Variants in CSMD1 observed in about 807,000 individuals in gnomAD.
The protein encoded by CSMD1 is CUB and sushi domain-containing protein 1.
Under a neutral mutation model 417.5 loss-of-function variants are expected in CSMD1, and 213 were observed. That is an observed-to-expected ratio of 0.51 (90% CI 0.46 to 0.57). The LOEUF (loss-of-function observed/expected upper bound fraction) is 0.57, where lower values mean the gene tolerates loss of function less well. Ranked by LOEUF, CSMD1 falls within the 20% of genes least tolerant of loss-of-function variation. The pLI is 0.00. For synonymous variants in CSMD1, 2,862 were observed against 1,736.8 expected (o/e 1.65, Z -16.11); for missense variants, 6,923 against 4,529.7 (o/e 1.53, Z -15.17).
chr8:4,429,792 C>G (rs539577867), intron 2 of CSMD1, among the ~76,000 whole-genome samples: 1 of 152,086 alleles, frequency 6.6e-6, no homozygotes, highest in Admixed American at 6.6e-5. Context: ...TGAAATATAC[C>G]GGCAATCCCC....
intron 1 of CSMD1, among the ~76,000 whole-genome samples, chr8:4,831,987 C>A (rs1300941840): frequency 6.6e-6 from 1 of 152,182 alleles, no homozygotes; most frequent in East Asian, 1.9e-4. Flanking sequence ...TCCAAATTCC[C>A]ACTGCACACA....
chr8:3,568,739 A>G (rs915221021), intron 10 of CSMD1, among the ~76,000 whole-genome samples: 1 of 152,082 alleles, frequency 6.6e-6, no homozygotes, highest in Non-Finnish European at 1.5e-5. Context: ...ATATACACAT[A>G]TATATATGTA....
chr8:4,185,591 G>C (rs527722303), intron 3 of CSMD1, among the ~76,000 whole-genome samples: 27 of 152,188 alleles, frequency 1.8e-4, no homozygotes, highest in Admixed American at 3.9e-4. Flanking sequence ...TACCTATCTA[G>C]TAAATGTGCT....
At chr8:4,239,483 G>C (rs752725899) in intron 3 of CSMD1, among the ~76,000 whole-genome samples, 5 of 152,174 alleles carry the variant, frequency 3.3e-5, no homozygotes, top group Non-Finnish European at 5.9e-5. Flanking sequence ...AGCACCCTCA[G>C]ATCAGCTGCC....
chr8:4,966,871 C>T (rs1809897716), intron 1 of CSMD1, among the ~76,000 whole-genome samples: 1 of 152,116 alleles, frequency 6.6e-6, no homozygotes, highest in Non-Finnish European at 1.5e-5. Flanking sequence ...ATCATCTTTC[C>T]CTTATTCACA....
intron 45 of CSMD1, 47 bp from the exon 46 acceptor site, chr8:3,106,688 G>C (rs548703482): frequency 1.4e-5 from 16 of 1,182,232 alleles, no homozygotes; most frequent in Admixed American, 5.6e-5. Context: ...GTGACCTTCT[G>C]AGTGTGTGAA....
At chr8:3,524,601 CCA>C (rs765413681) in intron 10 of CSMD1, among the ~76,000 whole-genome samples, 3 of 146,028 alleles carry the variant, frequency 2.1e-5, no homozygotes, top group Non-Finnish European at 4.5e-5. Context: ...GGACACACAT[CCA>C]CACACATGCA....
chr8:4,107,419 T>G (rs1206541922), intron 3 of CSMD1, among the ~76,000 whole-genome samples: 2 of 152,206 alleles, frequency 1.3e-5, no homozygotes, highest in East Asian at 1.9e-4. Context: ...GAAAATGTCT[T>G]GATACACATC....
intron 2 of CSMD1, among the ~76,000 whole-genome samples, chr8:4,468,053 C>A (rs1024177585): frequency 2.7e-5 from 4 of 148,614 alleles, no homozygotes; most frequent in Non-Finnish European, 5.9e-5. Flanking sequence ...GGCCCTGCCT[C>A]CTGTCCGTCC....
chr8:4,083,570 G>A (rs923369621), intron 3 of CSMD1, among the ~76,000 whole-genome samples: 1 of 152,090 alleles, frequency 6.6e-6, no homozygotes, highest in Non-Finnish European at 1.5e-5. Flanking sequence ...TGACAAACCT[G>A]ACAAAAAGAA....
At chr8:3,547,778 T>C (rs755546446) in intron 10 of CSMD1, among the ~76,000 whole-genome samples, 1 of 152,198 alleles carries the variant, frequency 6.6e-6, no homozygotes, top group Non-Finnish European at 1.5e-5. Flanking sequence ...GTTTTTCTTG[T>C]TGCTCTTTAA....
chr8:3,575,170 T>A (rs1433232194), intron 9 of CSMD1, 104 bp from the exon 10 acceptor site: 30 of 806,976 alleles, frequency 3.7e-5, no homozygotes, highest in South Asian at 2.1e-4. Context: ...CTAATCACAG[T>A]AAAAAAAAAA....
At chr8:4,914,255 G>A (rs757235892) in intron 1 of CSMD1, among the ~76,000 whole-genome samples, 1 of 152,136 alleles carries the variant, frequency 6.6e-6, no homozygotes, top group East Asian at 1.9e-4. Context: ...TGAGTGTGCA[G>A]AGGAAATAGA....
At position 3,412,862 on chromosome 8, in the gene CSMD1, G is replaced by C. The variant is rs187455255; in HGVS notation, c.1562-3257C>G. On this transcript the variant is annotated intron_variant, in intron 12 of 69. Transcript: ENST00000635120. ...CGTCTGTCACTGAAACCGACAGTGAGTTCAAAACGCTGCATGGTTTATAAT... is the reference window on the plus strand; with the variant it reads ...CGTCTGTCACTGAAACCGACAGTGACTTCAAAACGCTGCATGGTTTATAAT... 1.3e-3 allele frequency among the ~76,000 whole-genome samples: 200 copies of C among 152,316 alleles called. 1 individual carries two copies. Among genetic ancestry groups the C allele is most frequent in the Admixed American group, 0.011 (175 of 15,298 alleles).
chr8:3,739,391 G>T (rs904728053), intron 6 of CSMD1, among the ~76,000 whole-genome samples: 6 of 152,170 alleles, frequency 3.9e-5, no homozygotes, highest in African/African-American at 1.2e-4. Flanking sequence ...CAAATAGTTA[G>T]AAGACAGGAT....
chr8:4,099,157 A>T (rs553272875), intron 3 of CSMD1, among the ~76,000 whole-genome samples: 6 of 151,242 alleles, frequency 4.0e-5, no homozygotes, highest in African/African-American at 1.2e-4. Context: ...CCAACCATGC[A>T]TATGTCTTAT....
intron 3 of CSMD1, among the ~76,000 whole-genome samples, chr8:4,168,284 C>T (rs12155589): frequency 0.32 from 48,875 of 151,516 alleles, 8,089 homozygotes; most frequent in East Asian, 0.41. Context: ...CTCCCAACTA[C>T]ACAGGAGGCT....
At chr8:3,911,267 T>C (rs532847279) in intron 5 of CSMD1, among the ~76,000 whole-genome samples, 1 of 152,304 alleles carries the variant, frequency 6.6e-6, no homozygotes, top group East Asian at 1.9e-4. Context: ...GTCATTTTTC[T>C]TTTGTTTAAC....
At chr8:3,303,483 A>T (rs1229446833) in intron 25 of CSMD1, among the ~76,000 whole-genome samples, 2 of 152,168 alleles carry the variant, frequency 1.3e-5, no homozygotes, top group Non-Finnish European at 2.9e-5. Flanking sequence ...TACCTTTTTG[A>T]TATGCGTCCA....
Sources: gnomAD v4.1 joint callset for allele counts (sites outside exome capture counted in the v4.1 genomes callset) on GRCh38, gnomAD v4.1.1 for gene constraint, MANE v1.5 for transcripts, NCBI Gene and HGNC (gene_info 2026-07-23, HGNC 2026-07-21) for gene names.